Variants in ROR1 observed in about 807,000 individuals in gnomAD.
ROR1 encodes inactive tyrosine-protein kinase transmembrane receptor ROR1.
ROR1 carries 19 observed loss-of-function variants against 78.8 expected under a neutral mutation model. That is an observed-to-expected ratio of 0.24 (90% CI 0.17 to 0.35). The LOEUF is 0.35. Among genes scored for constraint, ROR1 ranks in the 10% least tolerant of loss-of-function variants. The pLI is 1.00. For missense variants in ROR1, 917 were observed against 1,177.8 expected, an observed-to-expected ratio of 0.78 and a Z score of 3.24; for synonymous variants, 386 against 433.6, an observed-to-expected ratio of 0.89 and a Z score of 1.36.
intron 1 of ROR1, among the ~76,000 whole-genome samples, chr1:63,819,315 G>C (rs1644911046): frequency 6.6e-6 from 1 of 152,092 alleles, no homozygotes. Flanking sequence ...TTCTTCCTGG[G>C]GAAGAAGATG....
At chr1:63,911,974 G>A (rs1342449068) in intron 1 of ROR1, among the ~76,000 whole-genome samples, 3 of 152,180 alleles carry the variant, frequency 2.0e-5, no homozygotes, top group African/African-American at 4.8e-5. Flanking sequence ...TGCTGTGTGG[G>A]TATACAAAGG....
At chr1:63,979,112 A>G (rs1646186899) in intron 1 of ROR1, among the ~76,000 whole-genome samples, 1 of 152,166 alleles carries the variant, frequency 6.6e-6, no homozygotes, top group African/African-American at 2.4e-5. Context: ...ACCCATTTAC[A>G]TTTTAATCTC....
At chr1:63,902,335 C>T (rs855827) in intron 1 of ROR1, among the ~76,000 whole-genome samples, 135,776 of 148,762 alleles carry the variant, frequency 0.91, 61,940 homozygotes, top group East Asian at 0.99. Flanking sequence ...TTTTTTTTTT[C>T]TTTTAAGAGT....
chr1:63,883,075 GA>G (rs1645333712), intron 1 of ROR1, among the ~76,000 whole-genome samples: 1 of 152,194 alleles, frequency 6.6e-6, no homozygotes, highest in South Asian at 2.1e-4. Flanking sequence ...GAGCTTCTTT[GA>G]AGTGGAAAGG....
intron 1 of ROR1, among the ~76,000 whole-genome samples, chr1:63,990,868 A>T (rs2100520494): frequency 1.3e-5 from 2 of 152,330 alleles, no homozygotes; most frequent in South Asian, 4.1e-4. Flanking sequence ...GAGTACCCAG[A>T]ATCCTCCTAA....
intron 1 of ROR1, among the ~76,000 whole-genome samples, chr1:63,857,322 C>T (rs929971168): frequency 6.6e-6 from 1 of 152,016 alleles, no homozygotes; most frequent in Non-Finnish European, 1.5e-5. Context: ...TAAAAGCCAC[C>T]TAGTTGATGC....
intron 1 of ROR1, among the ~76,000 whole-genome samples, chr1:63,801,787 C>T (rs1173146549): frequency 1.3e-5 from 2 of 152,196 alleles, no homozygotes; most frequent in Non-Finnish European, 2.9e-5. Context: ...TTTTATCTCA[C>T]TTTAACTGCC....
chr1:63,962,696 A>T (rs571148842), intron 1 of ROR1, among the ~76,000 whole-genome samples: 11 of 152,238 alleles, frequency 7.2e-5, no homozygotes, highest in Admixed American at 2.6e-4. Context: ...GTCACGATGG[A>T]GGCTGAGCTA....
chr1:63,808,146 C>T (rs1569746458), intron 1 of ROR1, among the ~76,000 whole-genome samples: 1 of 152,150 alleles, frequency 6.6e-6, no homozygotes, highest in East Asian at 1.9e-4. Flanking sequence ...GCTTTCCTTG[C>T]AGCTGAATAT....
chr1:63,869,832 A>G (rs1276033732), intron 1 of ROR1, among the ~76,000 whole-genome samples: 1 of 152,176 alleles, frequency 6.6e-6, no homozygotes, highest in East Asian at 1.9e-4. Context: ...GAATCTTGCA[A>G]CTGGACATAG....
intron 1 of ROR1, among the ~76,000 whole-genome samples, chr1:63,957,320 A>G (rs1645991563): frequency 6.6e-6 from 1 of 152,178 alleles, no homozygotes; most frequent in African/African-American, 2.4e-5. Context: ...CCCCCGAGGA[A>G]TTCCTAGTGG....
At chr1:64,047,611 A>G (rs917213977) in intron 2 of ROR1, among the ~76,000 whole-genome samples, 2 of 152,212 alleles carry the variant, frequency 1.3e-5, no homozygotes, top group African/African-American at 4.8e-5. Flanking sequence ...GTACATAGTT[A>G]TCTATTCTCA....
At chr1:63,941,963 A>G (rs1350583999) in intron 1 of ROR1, among the ~76,000 whole-genome samples, 2 of 152,170 alleles carry the variant, frequency 1.3e-5, no homozygotes, top group Admixed American at 6.5e-5. Flanking sequence ...AATTATCTCC[A>G]TTTTACAGAG....
At chr1:63,864,512 G>A (rs944575039) in intron 1 of ROR1, among the ~76,000 whole-genome samples, 1 of 152,146 alleles carries the variant, frequency 6.6e-6, no homozygotes, top group Non-Finnish European at 1.5e-5. Flanking sequence ...TGTTGTGTTG[G>A]TATGACGGGG....
chr1:63,875,894 A>G (rs922205863), intron 1 of ROR1, among the ~76,000 whole-genome samples: 10 of 152,196 alleles, frequency 6.6e-5, no homozygotes, highest in East Asian at 1.9e-4. Flanking sequence ...CAGGTGAGTG[A>G]CAAAGGTTAT....
intron 1 of ROR1, among the ~76,000 whole-genome samples, chr1:63,812,113 G>A (rs1427323398): frequency 2.0e-5 from 3 of 152,008 alleles, no homozygotes; most frequent in Non-Finnish European, 2.9e-5. Flanking sequence ...GGTGTGTGCC[G>A]CCACGCCTGG....
chr1:63,853,418 A>G (rs536997463), intron 1 of ROR1, among the ~76,000 whole-genome samples: 30 of 152,282 alleles, frequency 2.0e-4, no homozygotes, highest in African/African-American at 7.2e-4. Context: ...ATGCACCAAA[A>G]TCTGAAACGT....
At position 64,014,757 on chromosome 1, in the gene ROR1, T is replaced by C. The variant is rs1481918426; in HGVS notation, c.163+5381T>C. Among the ~76,000 whole-genome samples, 26 of 37,804 alleles carry C rather than the reference T, an allele frequency of 6.9e-4. 3 individuals are homozygous for C. The South Asian group carries it at 0.017, about 25-fold the overall frequency. The allele number at this position is 37,804 out of a possible 152,430, so 24.8% of individuals were successfully genotyped here. ...TACGCACACTATATATATATATATATATATATATATATATATACACATTTT... is the reference window on the plus strand; with the variant it reads ...TACGCACACTATATATATATATATACATATATATATATATATACACATTTT... On this transcript the variant is annotated intron_variant, in intron 2 of 8. Coordinates refer to ENST00000371079, the MANE Select transcript of ROR1 (RefSeq NM_005012.4).
chr1:63,919,289 G>A (rs1645634636), intron 1 of ROR1, among the ~76,000 whole-genome samples: 1 of 152,124 alleles, frequency 6.6e-6, no homozygotes. Context: ...ACCAAAAAGA[G>A]CCAATGCCGA....
Sources: allele counts gnomAD v4.1 joint callset (sites outside exome capture counted in the v4.1 genomes callset), GRCh38; gene constraint gnomAD v4.1.1; transcripts MANE v1.5; gene names NCBI Gene and HGNC (gene_info 2026-07-23, HGNC 2026-07-21).